The following KLF5 variants were observed in gnomAD, a reference collection of about 807,000 sequenced individuals.
KLF5 encodes KLF transcription factor 5, also known as Krueppel-like factor 5.
A neutral mutation model predicts 36.9 loss-of-function variants in KLF5; 9 were observed. The observed-to-expected ratio is 0.24, with a 90% CI of 0.15 to 0.43. KLF5 has a LOEUF of 0.43. KLF5 is among the 20% of genes least tolerant of loss of function. KLF5 has a pLI of 1.00. For missense variants in KLF5, 524 were observed against 599.5 expected, an observed-to-expected ratio of 0.87 and a Z score of 1.31; for synonymous variants, 246 against 241.7, an observed-to-expected ratio of 1.02 and a Z score of -0.17.
intron 3 of KLF5, among the ~76,000 whole-genome samples, chr13:73,069,807 G>A (rs1594397362): frequency 1.3e-5 from 2 of 152,294 alleles, no homozygotes; most frequent in East Asian, 1.9e-4. Flanking sequence ...TACTGGTTTT[G>A]TGGAGAATCC....
chr13:73,061,871 A>G lies in KLF5; in HGVS notation c.272A>G (p.Glu91Gly). The G allele has an allele frequency of 6.2e-7, 1 of 1,609,402 alleles. No individual in the cohort carries two copies. The highest frequency in any genetic ancestry group is 8.5e-7 in the Non-Finnish European group (1 of 1,176,136). The change falls in exon 2 of 4, where the codon GAA becomes GGA. Residue 91 changes from glutamate to glycine, a missense_variant. Physicochemically the swap from Glu to Gly is moderately conservative, Grantham distance 98 (BLOSUM62 -2). Around this residue, in one of 4 missense-constraint regions of KLF5, gnomAD observed 454 missense variants for 458.1 expected, o/e 0.99. Transcript: ENST00000377687. ...PPEDLVQTRC[E>G]MEKYLTPQLP... Reference sequence around the variant, plus strand: ...TCTCTTCTTTTTTAGACAAGATGTGAAATGGAGAAGTATCTGACACCTCAG... The same window carrying G: ...TCTCTTCTTTTTTAGACAAGATGTGGAATGGAGAAGTATCTGACACCTCAG...
At chr13:73,067,428 T>G (rs2044687972) in intron 3 of KLF5, among the ~76,000 whole-genome samples, 1 of 152,240 alleles carries the variant, frequency 6.6e-6, no homozygotes, top group South Asian at 2.1e-4. Flanking sequence ...TAAAAAGTTC[T>G]TACCAGAGAA....
At chr13:73,059,774 T>TGGGGG in intron 1 of KLF5, 186 bp downstream of exon 1, 1 of 380,336 alleles carries the variant, frequency 2.6e-6, no homozygotes, top group Non-Finnish European at 3.3e-6. Context: ...TGAGAGTAAA[T>TGGGGG]GGGGGGGGGG....
chr13:73,057,271 A>C (rs982440899), upstream of KLF5, among the ~76,000 whole-genome samples: 8 of 152,344 alleles, frequency 5.3e-5, no homozygotes, highest in Middle Eastern at 3.4e-3. Context: ...TCAATTTTTT[A>C]AAAGAGTTAC....
At chr13:73,067,491 C>A (rs767315030) in intron 3 of KLF5, among the ~76,000 whole-genome samples, 11 of 152,172 alleles carry the variant, frequency 7.2e-5, no homozygotes, top group Non-Finnish European at 1.0e-4. Context: ...GAAGTCCTAG[C>A]GGTTCCCTTC....
intron 3 of KLF5, among the ~76,000 whole-genome samples, chr13:73,064,726 T>C (rs1447032643): frequency 6.6e-6 from 1 of 152,082 alleles, no homozygotes; most frequent in East Asian, 1.9e-4. Context: ...GTATCTCTAG[T>C]AGAGATGGGG....
chr13:73,076,129 TCATGA>T lies in KLF5; in HGVS notation c.*246_*250del, dbSNP rs2044759535. ...TGGCTTTACTCAAGCAGATCTCATC[TCATGA>T]CAGGCAGCCACGTCTCAACATGGGT... On this transcript the variant is annotated 3_prime_UTR_variant, in exon 4 of 4. Transcript: ENST00000377687. 2.8e-6 allele frequency: 1 copy of T among 353,188 alleles called. No individual in the cohort carries two copies. The highest frequency in any genetic ancestry group is 2.1e-5 in the African/African-American group (1 of 47,604). The allele number at this position is 353,188 out of a possible 1,614,324, so 21.9% of individuals were successfully genotyped here.
intron 1 of KLF5, 138 bp from the exon 2 acceptor site, chr13:73,061,723 T>C (rs776582647): frequency 1.1e-4 from 81 of 722,180 alleles, no homozygotes; most frequent in African/African-American, 2.5e-4. Context: ...AAGCCTGATA[T>C]GTTTATAAGC....
At chr13:73,064,494 A>G (rs944851009) in intron 3 of KLF5, among the ~76,000 whole-genome samples, 1 of 152,146 alleles carries the variant, frequency 6.6e-6, no homozygotes. Context: ...TCTTGTTTAC[A>G]TATGCTTTTA....
At chr13:73,055,740 G>T (rs1175178718), upstream of KLF5, among the ~76,000 whole-genome samples, 1 of 152,162 alleles carries the variant, frequency 6.6e-6, no homozygotes, top group Non-Finnish European at 1.5e-5. Flanking sequence ...CCCTAGAGAA[G>T]AGTGTGCTCC....
intron 2 of KLF5, 115 bp downstream of exon 2, chr13:73,062,849 T>A: frequency 2.4e-6 from 2 of 835,210 alleles, no homozygotes; most frequent in South Asian, 1.9e-5. Context: ...CTCATGGCTT[T>A]AAATAGGAAA....
At chr13:73,068,714 A>G (rs1275638545) in intron 3 of KLF5, among the ~76,000 whole-genome samples, 1 of 151,976 alleles carries the variant, frequency 6.6e-6, no homozygotes, top group Non-Finnish European at 1.5e-5. Context: ...AAAAAAAAAA[A>G]AAAAAAAAAA....
rs1251982210 is a variant in KLF5 at position 73,076,268 on chromosome 13, G to A, written c.*382G>A. 2 of 170,528 alleles carry A rather than the reference G, an allele frequency of 1.2e-5. No individual in the cohort carries two copies. The highest frequency in any genetic ancestry group is 2.4e-5 in the African/African-American group (1 of 42,160). The allele number at this position is 170,528 out of a possible 1,614,324, so 10.6% of individuals were successfully genotyped here. Reference sequence around the variant, plus strand: ...AGTTGGCAGGCACCAGAAGAAGAATGGATTGTATGTCAAGATTTTACTTGG... The same window carrying A: ...AGTTGGCAGGCACCAGAAGAAGAATAGATTGTATGTCAAGATTTTACTTGG... On this transcript the variant is annotated 3_prime_UTR_variant, in exon 4 of 4. Transcript: ENST00000377687.
At chr13:73,059,971 G>A (rs2044620633) in intron 1 of KLF5, 1 of 190,932 alleles carries the variant, frequency 5.2e-6, no homozygotes, top group Admixed American at 6.5e-5. Flanking sequence ...CAATGCCAAG[G>A]CATTGGAGCC....
At chr13:73,073,721 T>A (rs2044738738) in intron 3 of KLF5, among the ~76,000 whole-genome samples, 2 of 152,248 alleles carry the variant, frequency 1.3e-5, no homozygotes, top group Admixed American at 1.3e-4. Flanking sequence ...TTTGTTTCTG[T>A]GGTTTATTTT....
chr13:73,072,555 AAG>A (rs1381039609), intron 3 of KLF5, among the ~76,000 whole-genome samples: 1 of 152,210 alleles, frequency 6.6e-6, no homozygotes, highest in Admixed American at 6.5e-5. Flanking sequence ...AAATCGTTCA[AAG>A]AGAGTGTATT....
Position 73,059,221 on chromosome 13 carries a change from T to G in KLF5, c.-107T>G. The stretch of plus-strand genomic sequence containing the variant: ...CTGTCTGAGGAGTCCACCCGAAACC[T>G]CCCCTCCTCCGCCGGCAGCCCCGCG... On this transcript the variant is annotated 5_prime_UTR_variant, in exon 1 of 4. Coordinates refer to ENST00000377687, the MANE Select transcript of KLF5 (RefSeq NM_001730.5). The G allele has an allele frequency of 2.7e-6, 3 of 1,125,754 alleles. No homozygotes were observed. The highest frequency in any genetic ancestry group is 3.4e-6 in the Non-Finnish European group (3 of 882,942). The allele number at this position is 1,125,754 out of a possible 1,614,324, so 69.7% of individuals were successfully genotyped here.
Position 73,059,424 on chromosome 13 carries a change from G to T in KLF5, c.97G>T (p.Val33Leu). The change falls in exon 1 of 4, where the codon GTG becomes TTG. Residue 33 changes from valine (V) to leucine (L), a missense_variant. Physicochemically the swap from Val to Leu is conservative, Grantham distance 32. This residue lies in a region of KLF5 where 454 missense variants were observed against 458.1 expected (regional missense o/e 0.99). Coordinates refer to ENST00000377687, the MANE Select transcript of KLF5 (RefSeq NM_001730.5). ...DEPVFAQLKP[V>L]LGAANPARDA... Reference sequence around the variant, plus strand: ...GCCGGTGTTCGCGCAGCTCAAGCCGGTGCTGGGCGCCGCGAATCCGGCCCG... The same window carrying T: ...GCCGGTGTTCGCGCAGCTCAAGCCGTTGCTGGGCGCCGCGAATCCGGCCCG... The T allele has an allele frequency of 7.6e-7, 1 of 1,315,592 alleles. No homozygotes were observed. The highest frequency in any genetic ancestry group is 9.7e-7 in the Non-Finnish European group (1 of 1,032,812). The allele number at this position is 1,315,592 out of a possible 1,614,324, so 81.5% of individuals were successfully genotyped here. A position where few individuals can be genotyped will look rare whatever the true frequency, so the allele number is the denominator to read the frequency against.
At chr13:73,063,729 TTTC>T (rs1481062923) in intron 2 of KLF5, 92 bp from the exon 3 acceptor site, 2 of 880,372 alleles carry the variant, frequency 2.3e-6, no homozygotes, top group South Asian at 1.4e-5. Flanking sequence ...GCATGAGAGA[TTTC>T]TTCTTTAAAG....
Sources: gnomAD v4.1 joint callset for allele counts (sites outside exome capture counted in the v4.1 genomes callset) on GRCh38, gnomAD v4.1.1 for gene constraint, gnomAD v4.1.1 regional missense constraint, MANE v1.5 for transcripts, NCBI Gene and HGNC (gene_info 2026-07-23, HGNC 2026-07-21) for gene names.